RYR1: variants seen among roughly 807,000 people sequenced by gnomAD.
The protein encoded by RYR1 is ryanodine receptor 1.
Under a neutral mutation model 583.5 loss-of-function variants are expected in RYR1, and 342 were observed. The ratio of observed to expected loss-of-function variants is 0.59; its 90% CI spans 0.54 to 0.64. The LOEUF is 0.64. RYR1 is among the 30% of genes least tolerant of loss of function. The pLI, the probability that RYR1 is intolerant of heterozygous loss-of-function variation, is 0.00. For synonymous variants in RYR1, 2,791 were observed against 2,822.5 expected (o/e 0.99, Z 0.35); for missense variants, 6,032 against 6,917.2 (o/e 0.87, Z 4.54).
chr19:38,489,500 G>A (rs1275185415), intron 35 of RYR1, 57 bp downstream of exon 35: 2 of 1,602,970 alleles, frequency 1.2e-6, no homozygotes, highest in East Asian at 4.5e-5. Flanking sequence ...GAGACACAGG[G>A]TAGGTGGGAT....
Position 38,536,785 on chromosome 19 carries a change from C to T in RYR1, c.11608+18C>T. ...CCAGAACGGTAATTCCCCCAGCCCA[C>T]CCCCGTGCTGTGCTGCTGTCACCCA... is the stretch of plus-strand genomic sequence containing the variant. On this transcript the variant is annotated intron_variant, in intron 83 of 105. Transcript: ENST00000359596. 1.2e-6 allele frequency: 2 copies of T among 1,613,504 alleles called. No homozygotes were observed. Among genetic ancestry groups the T allele is most frequent in the Non-Finnish European group, 8.5e-7 (1 of 1,179,546 alleles).
At chr19:38,580,714 G>A (rs748765200) in intron 101 of RYR1, among the ~76,000 whole-genome samples, 6 of 152,014 alleles carry the variant, frequency 3.9e-5, no homozygotes, top group Non-Finnish European at 4.4e-5. Flanking sequence ...AAATTTAAAC[G>A]TTAGCTGGGT....
rs765135078 is a variant in RYR1, at chr19:38,490,626, T to C, written c.6021T>C (p.Asn2007=). 4.4e-6 allele frequency: 7 copies of C among 1,598,324 alleles called. No individual in the cohort carries two copies. The highest frequency in any genetic ancestry group is 4.5e-5 in the East Asian group (2 of 44,820). The change falls in exon 37 of 106, where the codon AAT becomes AAC. Residue 2007 remains asparagine (N), a synonymous_variant. Transcript: ENST00000359596. ...AATCTTTGACCTTCCCCTAGATCAA[T>C]ATGCTATTGCAATTCAAAGATGGTA... ...EFRSPPQEQI[N]MLLQFKDGTD... is the part of the protein sequence containing the mutation.
chr19:38,448,961 G>T (rs1600657807), intron 11 of RYR1, 148 bp downstream of exon 11: 2 of 764,062 alleles, frequency 2.6e-6, no homozygotes. Flanking sequence ...ACTGAGGGGT[G>T]GTGCTTGAGA....
intron 78 of RYR1, among the ~76,000 whole-genome samples, chr19:38,534,127 T>C (rs1971862287): frequency 6.6e-6 from 1 of 151,182 alleles, no homozygotes; most frequent in African/African-American, 2.4e-5. Context: ...TTCTCCTGCC[T>C]CAGCCTCCCA....
In RYR1 at chr19:38,528,389, C is replaced by G. The variant is rs375330731; in HGVS notation, c.10908C>G (p.Phe3636Leu). The G allele has an allele frequency of 5.0e-6, 8 of 1,614,134 alleles. No individual in the cohort carries two copies. The highest frequency in any genetic ancestry group is 6.8e-6 in the Non-Finnish European group (8 of 1,180,028). Residue 3636 changes from phenylalanine to leucine, a missense_variant, in exon 74 of 106, where the codon TTC becomes TTG. By Grantham distance (22) the Phe-to-Leu change is conservative (BLOSUM62 0). Coordinates refer to ENST00000359596, the MANE Select transcript of RYR1 (RefSeq NM_000540.3). ...GCCGGCGGGCAGTCGTGGCCTGTTTCCGTATGACGCCCCTGTACAACCTGC... is the reference window on the plus strand; with the variant it reads ...GCCGGCGGGCAGTCGTGGCCTGTTTGCGTATGACGCCCCTGTACAACCTGC... Reference protein sequence around the residue: ...KQRRRAVVACFRMTPLYNLPT... With the variant: ...KQRRRAVVACLRMTPLYNLPT...
rs777961316 is a variant in RYR1 at position 38,561,330 on chromosome 19, A to C, written c.12500A>C (p.Glu4167Ala). Residue 4167 changes from glutamate (E) to alanine (A), a missense_variant, in exon 90 of 106, where the codon GAG becomes GCG. Physicochemically the swap from Glu to Ala is moderately radical, Grantham distance 107 (BLOSUM62 -1). Transcript: ENST00000359596. This position sits in a 1 kb window ranked among gnomAD's most constrained non-coding sequence, Gnocchi z 4.8. ...PRLHNFLELA[E>A]SILEYFRPYL... ...CTGCACAACTTCCTGGAGCTGGCCG[A>C]GAGCATCCTTGAGTACTTCCGCCCC... 1 of 1,614,026 alleles carries C rather than the reference A, an allele frequency of 6.2e-7. No individual in the cohort carries two copies. The highest frequency in any genetic ancestry group is 1.1e-5 in the South Asian group (1 of 91,088).
At chr19:38,492,384 G>T (rs1335741140) in intron 37 of RYR1, 106 bp from the exon 38 acceptor site, 502 of 1,005,718 alleles carry the variant, frequency 5.0e-4, no homozygotes, top group Non-Finnish European at 6.4e-4. Flanking sequence ...AAAAGGAAAT[G>T]AAAAACTCCA....
chr19:38,495,486 CAG>C (rs1281309701), intron 39 of RYR1, among the ~76,000 whole-genome samples: 1 of 152,076 alleles, frequency 6.6e-6, no homozygotes, highest in Non-Finnish European at 1.5e-5. Context: ...GCTGGGACTA[CAG>C]ACACACACCA....
intron 29 of RYR1, among the ~76,000 whole-genome samples, chr19:38,477,059 A>T (rs1968770786): frequency 6.6e-6 from 1 of 151,786 alleles, no homozygotes; most frequent in Admixed American, 6.6e-5. Context: ...AAAATAAGGA[A>T]AGAAAAAAAA....
At position 38,505,985 on chromosome 19, in the gene RYR1, G is replaced by T. The variant is rs575467622; in HGVS notation, c.8541+39G>T. The T allele has an allele frequency of 1.0e-5, 16 of 1,601,418 alleles. 1 individual carries two copies. The highest frequency in any genetic ancestry group is 4.1e-4 in the Middle Eastern group (2 of 4,902). On this transcript the variant is annotated intron_variant, in intron 54 of 105. Coordinates refer to ENST00000359596, the MANE Select transcript of RYR1 (RefSeq NM_000540.3). Reference sequence around the variant, plus strand: ...CTGGGTGGAGGGCAGGGGCACGATGGGGGGAGGGTCTAGAACAAGGGGCAT... The same window carrying T: ...CTGGGTGGAGGGCAGGGGCACGATGTGGGGAGGGTCTAGAACAAGGGGCAT...
chr19:38,534,363 T>G (rs1399293496), intron 78 of RYR1, among the ~76,000 whole-genome samples: 1 of 152,212 alleles, frequency 6.6e-6, no homozygotes, highest in Non-Finnish European at 1.5e-5. Flanking sequence ...AATATCGCTG[T>G]GATTTATGGC....
chr19:38,567,260 A>T (rs1973485309), intron 92 of RYR1, among the ~76,000 whole-genome samples: 1 of 152,098 alleles, frequency 6.6e-6, no homozygotes, highest in African/African-American at 2.4e-5. Context: ...CTGGAGGTGG[A>T]GGCTGCAGTG....
At chr19:38,465,764 C>A (rs570204208) in intron 23 of RYR1, among the ~76,000 whole-genome samples, 61 of 144,498 alleles carry the variant, frequency 4.2e-4, no homozygotes, top group African/African-American at 1.4e-3. Context: ...AACTCCGTAT[C>A]AAAAAAAAAA....
Position 38,504,231 on chromosome 19 carries a change from C to T in RYR1, c.7938C>T (p.Asn2646=), listed in dbSNP as rs752737752. The T allele has an allele frequency of 2.6e-5, 42 of 1,613,364 alleles. No individual in the cohort carries two copies. Among genetic ancestry groups the T allele is most frequent in the Non-Finnish European group, 3.3e-5 (39 of 1,179,788 alleles). ...FAKMPLKLLT[N]HYERCWKYYC... is the part of the protein sequence containing the mutation. ...TTGTTCCCACCCAGCTCCTCACCAACCACTATGAGCGCTGTTGGAAGTACT... is the reference window on the plus strand; with the variant it reads ...TTGTTCCCACCCAGCTCCTCACCAATCACTATGAGCGCTGTTGGAAGTACT... The change falls in exon 50 of 106, where the codon AAC becomes AAT. Residue 2646 remains asparagine (N), a synonymous_variant. Coordinates refer to ENST00000359596, the MANE Select transcript of RYR1 (RefSeq NM_000540.3).
intron 78 of RYR1, among the ~76,000 whole-genome samples, chr19:38,534,418 G>C (rs1971875127): frequency 6.6e-6 from 1 of 152,194 alleles, no homozygotes; most frequent in African/African-American, 2.4e-5. Context: ...TTAGAGGGCG[G>C]AAAACATAAA....
Position 38,452,938 on chromosome 19 carries a change from C to T in RYR1, c.1364C>T (p.Ser455Phe), listed in dbSNP as rs1483259409. 3.1e-6 allele frequency: 5 copies of T among 1,613,998 alleles called. No homozygotes were observed. The highest frequency in any genetic ancestry group is 4.2e-6 in the Non-Finnish European group (5 of 1,179,890). The stretch of plus-strand genomic sequence containing the variant: ...CTCATCATCTACTTCGAGCCTCCCT[C>T]CGAGGACTTGCAGCACGAGGAGAAG... ...QDLIIYFEPP[S>F]EDLQHEEKQS... The change falls in exon 13 of 106, where the codon TCC becomes TTC. Residue 455 changes from serine (S) to phenylalanine (F), a missense_variant. By Grantham distance (155) the Ser-to-Phe change is radical (BLOSUM62 -2). Coordinates refer to ENST00000359596, the MANE Select transcript of RYR1 (RefSeq NM_000540.3).
chr19:38,463,617 C>T (rs1017807092), intron 21 of RYR1, 90 bp downstream of exon 21: 72 of 1,472,790 alleles, frequency 4.9e-5, no homozygotes, highest in Middle Eastern at 1.7e-4. Context: ...AGGGAGGGAC[C>T]ACAGGGCACC....
intron 35 of RYR1, 106 bp downstream of exon 35, chr19:38,489,549 G>A: frequency 7.8e-7 from 1 of 1,284,756 alleles, no homozygotes; most frequent in Non-Finnish European, 1.1e-6. Flanking sequence ...GGGGAGCTGT[G>A]GAAATGCATA....
Sources: gnomAD v4.1 joint callset for allele counts (sites outside exome capture counted in the v4.1 genomes callset) on GRCh38, gnomAD v4.1.1 for gene constraint, Gnocchi (gnomAD v3.1) non-coding constraint, MANE v1.5 for transcripts, NCBI Gene and HGNC (gene_info 2026-07-23, HGNC 2026-07-21) for gene names.